Variants in MLXIPL observed in about 807,000 individuals in gnomAD.
MLXIPL encodes carbohydrate-responsive element-binding protein.
Under a neutral mutation model 81.5 loss-of-function variants are expected in MLXIPL, and 49 were observed. That is an observed-to-expected ratio of 0.60 (90% CI 0.48 to 0.76). The LOEUF (loss-of-function observed/expected upper bound fraction) is 0.76, where lower values mean the gene tolerates loss of function less well. MLXIPL is among the 30% of genes least tolerant of loss of function. MLXIPL has a pLI of 0.00. For synonymous variants in MLXIPL, 466 were observed against 485.5 expected, an observed-to-expected ratio of 0.96 and a Z score of 0.53; for missense variants, 1,053 against 1,167.0, an observed-to-expected ratio of 0.90 and a Z score of 1.42.
chr7:73,642,219 ATGGGGGTGG>A, the MLXIPL span, among the ~76,000 whole-genome samples: 1 of 152,140 alleles, frequency 6.6e-6, no homozygotes, highest in South Asian at 2.1e-4. Flanking sequence ...GGGCTAGAGT[ATGGGGGTGG>A]TGCACGGAGC....
chr7:73,629,780 C>CTG, the MLXIPL span, among the ~76,000 whole-genome samples: 42 of 152,092 alleles, frequency 2.8e-4, no homozygotes, highest in African/African-American at 9.9e-4. Context: ...AGCCTGTCAA[C>CTG]TGTGTGTATA....
At chr7:73,606,392 C>T (rs1380419516) in intron 5 of MLXIPL, 10 of 488,358 alleles carry the variant, frequency 2.0e-5, no homozygotes, top group South Asian at 1.4e-4. Context: ...TTTGGTCCCT[C>T]TGGTTTTTTT....
rs1176422432 is a variant in MLXIPL, at chr7:73,624,367, G to A, written c.126C>T (p.Leu42=). The part of the protein sequence containing the change: ...PSLRRSAGGL[L]RSQVIHSGHF... ...GACCGCTGTGGATGACCTGCGAGCG[G>A]AGCAAGCCGCCCGCGCTGCGCCGGA... Residue 42 remains leucine, a synonymous_variant, in exon 1 of 17, where the codon CTC becomes CTT. Transcript: ENST00000313375. 62 of 1,578,448 alleles carry A rather than the reference G, an allele frequency of 3.9e-5. No individual in the cohort carries two copies. The highest frequency in any genetic ancestry group is 5.1e-5 in the Non-Finnish European group (59 of 1,166,728).
chr7:73,632,946 A>AT, the MLXIPL span, among the ~76,000 whole-genome samples: 1 of 151,528 alleles, frequency 6.6e-6, no homozygotes, highest in African/African-American at 2.4e-5. Context: ...CGTGTGGCTA[A>AT]TTTTTTGTAT....
chr7:73,598,992 C>T (rs1050338097), intron 8 of MLXIPL, among the ~76,000 whole-genome samples: 3 of 150,772 alleles, frequency 2.0e-5, no homozygotes, highest in Admixed American at 6.6e-5. Flanking sequence ...CGCTTGAACA[C>T]GGGAGGCGGA....
the MLXIPL span, among the ~76,000 whole-genome samples, chr7:73,643,827 G>A: frequency 6.6e-6 from 1 of 152,132 alleles, no homozygotes; most frequent in East Asian, 1.9e-4. Flanking sequence ...CAGTGCAGCG[G>A]CACCACCATG....
the MLXIPL span, among the ~76,000 whole-genome samples, chr7:73,631,589 G>GTTTTTTT: frequency 7.0e-5 from 5 of 71,938 alleles, no homozygotes; most frequent in Admixed American, 1.4e-4. Flanking sequence ...TTTTTTTTAG[G>GTTTTTTT]TAGAGATGGG....
Position 73,624,067 on chromosome 7 carries a change from G to C in MLXIPL, c.293+133C>G, listed in dbSNP as rs565291166. 67 of 1,263,314 alleles carry C rather than the reference G, an allele frequency of 5.3e-5. No individual in the cohort carries two copies. The African/African-American group carries it at 1.0e-3, about 20-fold the overall frequency. 78.3% of individuals were successfully genotyped at this position (1,263,314 alleles called of 1,614,324 possible). A position where few individuals can be genotyped will look rare whatever the true frequency, so the allele number is the denominator to read the frequency against. On this transcript the variant is annotated intron_variant, in intron 1 of 16. Coordinates refer to ENST00000313375, the MANE Select transcript of MLXIPL (RefSeq NM_032951.3). ...GGGAGAAAGGGGGTGTCCAGGGCGT[G>C]ATCGGAGCCTCCGGGAGCCGCAGGA...
intron 9 of MLXIPL, 122 bp downstream of exon 9, chr7:73,597,060 C>G: frequency 6.9e-7 from 1 of 1,444,348 alleles, no homozygotes; most frequent in Non-Finnish European, 9.4e-7. Context: ...TCATTCCTTG[C>G]CACTCTGTCC....
intron 7 of MLXIPL, among the ~76,000 whole-genome samples, chr7:73,605,425 G>A (rs2116335769): frequency 6.6e-6 from 1 of 152,330 alleles, no homozygotes; most frequent in East Asian, 1.9e-4. Context: ...GCCGGGTTTG[G>A]TGGTGCACAC....
chr7:73,597,785 C>T, intron 8 of MLXIPL, 72 bp from the exon 9 acceptor site: 1 of 1,181,214 alleles, frequency 8.5e-7, no homozygotes, highest in Non-Finnish European at 1.1e-6. Flanking sequence ...CTGGGCCTCC[C>T]CTGCCCTGCC....
the MLXIPL span, among the ~76,000 whole-genome samples, chr7:73,637,380 C>T: frequency 6.6e-6 from 1 of 151,496 alleles, no homozygotes; most frequent in Non-Finnish European, 1.5e-5. Flanking sequence ...GAGGCTGAGG[C>T]GAGAGACTTG....
intron 8 of MLXIPL, among the ~76,000 whole-genome samples, chr7:73,598,704 G>T (rs1176762163): frequency 6.6e-6 from 1 of 152,136 alleles, no homozygotes; most frequent in East Asian, 1.9e-4. Context: ...AACCCTTTCA[G>T]TAAGGAGCTC....
At position 73,606,587 on chromosome 7, in the gene MLXIPL, G is replaced by A. The variant is rs910194015; in HGVS notation, c.618+387C>T. 2.4e-4 allele frequency: 74 copies of A among 309,694 alleles called. 1 individual carries two copies. The highest frequency in any genetic ancestry group is 1.7e-3 in the South Asian group (53 of 30,568). The allele number at this position is 309,694 out of a possible 1,614,324, so 19.2% of individuals were successfully genotyped here. A position where few individuals can be genotyped will look rare whatever the true frequency, so the allele number is the denominator to read the frequency against. ...ATTGCAGGCATGCGCCACTATGCCCGGCTAATTTTTGTATTTTTAGTAGAG... is the reference window on the plus strand; with the variant it reads ...ATTGCAGGCATGCGCCACTATGCCCAGCTAATTTTTGTATTTTTAGTAGAG... On this transcript the variant is annotated intron_variant, in intron 5 of 16. Transcript: ENST00000313375.
chr7:73,597,138 G>T, intron 9 of MLXIPL, 44 bp downstream of exon 9: 1 of 1,548,276 alleles, frequency 6.5e-7, no homozygotes, highest in Non-Finnish European at 8.7e-7. Context: ...CCCACCCCCT[G>T]GCCTCCCTCC....
the MLXIPL span, among the ~76,000 whole-genome samples, chr7:73,646,361 T>C: frequency 6.6e-6 from 1 of 152,092 alleles, no homozygotes; most frequent in African/African-American, 2.4e-5. Flanking sequence ...ATGCCAGCCC[T>C]CCACTTCAGC....
At chr7:73,641,794 C>A in the MLXIPL span, among the ~76,000 whole-genome samples, 1 of 152,120 alleles carries the variant, frequency 6.6e-6, no homozygotes, top group African/African-American at 2.4e-5. Context: ...TGCCATGACG[C>A]CTGGCTAATT....
chr7:73,610,906 C>T (rs1362849903), intron 2 of MLXIPL: 1 of 152,132 alleles, frequency 6.6e-6, no homozygotes, highest in Admixed American at 6.6e-5. Flanking sequence ...TCACCACAAC[C>T]TTTGCCTTCT....
intron 7 of MLXIPL, among the ~76,000 whole-genome samples, chr7:73,602,599 G>A (rs1794970891): frequency 6.6e-6 from 1 of 152,006 alleles, no homozygotes; most frequent in South Asian, 2.1e-4. Context: ...AGAATTGCTT[G>A]AACCCGGGAG....
Sources: gnomAD v4.1 joint callset for allele counts (sites outside exome capture counted in the v4.1 genomes callset) on GRCh38, gnomAD v4.1.1 for gene constraint, MANE v1.5 for transcripts, NCBI Gene and HGNC (gene_info 2026-07-23, HGNC 2026-07-21) for gene names.